The following DHRS4L2 variants were observed in gnomAD, a reference collection of about 807,000 sequenced individuals.
DHRS4L2 encodes dehydrogenase/reductase SDR family member 4-like 2.
DHRS4L2 carries 22 observed loss-of-function variants against 23.9 expected under a neutral mutation model. The observed-to-expected ratio is 0.92, with a 90% confidence interval of 0.66 to 1.31. The LOEUF (loss-of-function observed/expected upper bound fraction) is 1.31, where lower values mean the gene tolerates loss of function less well. Ranked by LOEUF, DHRS4L2 falls within the 40% of genes most tolerant of loss-of-function variation. The probability of loss-of-function intolerance (pLI) is 0.00; values close to 1 mark genes in which losing one functional copy is unlikely to be tolerated. For missense variants in DHRS4L2, 385 were observed against 303.3 expected, an observed-to-expected ratio of 1.27 and a Z score of -2.00; for synonymous variants, 141 against 123.7, an observed-to-expected ratio of 1.14 and a Z score of -0.93.
chr14:23,996,135 A>G (rs1164068101), intron 3 of DHRS4L2, among the ~76,000 whole-genome samples: 2 of 151,832 alleles, frequency 1.3e-5, no homozygotes, highest in South Asian at 2.1e-4. Flanking sequence ...GAAATAATAG[A>G]GTGAGAACTC....
chr14:24,001,501 C>T lies in DHRS4L2; in HGVS notation c.649C>T (p.Leu217=), dbSNP rs752155342. The part of the protein sequence containing the change: ...VNCLHLDLSR[L]ASAGCSGWTR... ...CTGCCTGCACCTGGACTTATCAAGA[C>T]TAGCTTCAGCAGGATGGTGAGGAAG... is the stretch of plus-strand genomic sequence containing the variant. Residue 217 remains leucine, a synonymous_variant, in exon 6 of 8, where the codon CTA becomes TTA. Transcript: ENST00000335125. The T allele has an allele frequency of 1.0e-5, 16 of 1,602,862 alleles. No homozygotes were observed. Among genetic ancestry groups the T allele is most frequent in the Non-Finnish European group, 1.4e-5 (16 of 1,177,560 alleles).
intron 1 of DHRS4L2, among the ~76,000 whole-genome samples, chr14:23,981,355 T>C (rs1254919563): frequency 6.6e-6 from 1 of 151,522 alleles, no homozygotes; most frequent in East Asian, 1.9e-4. Flanking sequence ...GAAGAATCAA[T>C]ATCGTGAAAA....
At chr14:23,971,657 G>A (rs1316656698) in intron 1 of DHRS4L2, among the ~76,000 whole-genome samples, 1 of 152,144 alleles carries the variant, frequency 6.6e-6, no homozygotes, top group South Asian at 2.1e-4. Context: ...AACCAGAAAA[G>A]AGTTGGGACC....
At chr14:23,973,190 C>A (rs1338460037) in intron 1 of DHRS4L2, among the ~76,000 whole-genome samples, 4 of 151,994 alleles carry the variant, frequency 2.6e-5, no homozygotes, top group African/African-American at 9.7e-5. Flanking sequence ...TTTCTCATCC[C>A]ATGAGGCCAT....
chr14:23,978,163 AC>A (rs2034002378), intron 1 of DHRS4L2, among the ~76,000 whole-genome samples: 1 of 151,416 alleles, frequency 6.6e-6, no homozygotes, highest in Non-Finnish European at 1.5e-5. Flanking sequence ...TCAATTTAAA[AC>A]TTTGGCCCAG....
chr14:24,001,082 C>T lies in DHRS4L2; in HGVS notation c.529C>T (p.Pro177Ser). 1 of 1,610,922 alleles carries T rather than the reference C, an allele frequency of 6.2e-7. No individual in the cohort carries two copies. The highest frequency in any genetic ancestry group is 1.7e-5 in the Admixed American group (1 of 59,954). The change falls in exon 5 of 8, where the codon CCT becomes TCT. Residue 177 changes from proline (P) to serine (S), a missense_variant and splice_region_variant. Coordinates refer to ENST00000335125, the MANE Select transcript of DHRS4L2 (RefSeq NM_198083.4). ...VSSIAAFSPS[P>S]GFSPYNVSKT... is the part of the protein sequence containing the mutation. ...TTCCATAGCAGCCTTCAGTCCATCT[C>T]CTGTAAGAACCCTTTTGTCTACCTC...
Position 23,995,076 on chromosome 14 carries a change from T to G in DHRS4L2, c.351T>G (p.Ala117=). 1.9e-6 allele frequency: 3 copies of G among 1,613,052 alleles called. No homozygotes were observed. The highest frequency in any genetic ancestry group is 2.5e-6 in the Non-Finnish European group (3 of 1,179,500). ...HGGIDILVSN[A]AVNPFFGSLM... is the part of the protein sequence containing the mutation. ...GTATCGATATCCTAGTCTCCAATGC[T>G]GCTGTCAACCCTTTCTTTGGAAGCC... The change falls in exon 3 of 8, where the codon GCT becomes GCG. Residue 117 remains alanine, a synonymous_variant. Coordinates refer to ENST00000335125, the MANE Select transcript of DHRS4L2 (RefSeq NM_198083.4).
intron 2 of DHRS4L2, among the ~76,000 whole-genome samples, chr14:23,993,154 G>C (rs930380827): frequency 2.6e-5 from 4 of 151,236 alleles, no homozygotes; most frequent in African/African-American, 4.9e-5. Flanking sequence ...CATGTGTACT[G>C]AGCACAGTGC....
chr14:24,001,957 C>CTTGTTTTTTTT (rs2034497756), intron 6 of DHRS4L2, among the ~76,000 whole-genome samples: 2 of 5,516 alleles, frequency 3.6e-4, no homozygotes, highest in Non-Finnish European at 4.5e-4. Context: ...CTTTCCTCTT[C>CTTGTTTTTTTT]TTTTTTTTTT....
intron 1 of DHRS4L2, among the ~76,000 whole-genome samples, chr14:23,981,626 C>G (rs572676818): frequency 1.3e-5 from 2 of 151,676 alleles, no homozygotes; most frequent in Non-Finnish European, 1.5e-5. Flanking sequence ...ACTCAGCATA[C>G]AGAGGACCCA....
At chr14:23,987,668 AC>A (rs2034179294), upstream of DHRS4L2, among the ~76,000 whole-genome samples, 1 of 151,668 alleles carries the variant, frequency 6.6e-6, no homozygotes, top group Admixed American at 6.6e-5. Flanking sequence ...ACTAACACAC[AC>A]ACACACAAAA....
At position 24,000,971 on chromosome 14, in the gene DHRS4L2, C is replaced by A. The variant is rs28535492; in HGVS notation, c.479+38C>A. On this transcript the variant is annotated intron_variant, in intron 4 of 7. Transcript: ENST00000335125. Reference sequence around the variant, plus strand: ...AGAGAGAGCCTGGGTGAGAGGGGACCCCACACAGGCTGAGGGCAGTGGTCC... The same window carrying A: ...AGAGAGAGCCTGGGTGAGAGGGGACACCACACAGGCTGAGGGCAGTGGTCC... The A allele has an allele frequency of 0.023, 37,152 of 1,608,904 alleles. 3,025 individuals are homozygous for A. In the East Asian group the frequency reaches 0.25, roughly 11 times the overall value.
chr14:23,989,487 C>T (rs531691362), intron 1 of DHRS4L2, among the ~76,000 whole-genome samples: 1 of 151,554 alleles, frequency 6.6e-6, no homozygotes, highest in Admixed American at 6.6e-5. Flanking sequence ...CCCGGAACCC[C>T]TCCCCCTTAC....
intron 3 of DHRS4L2, among the ~76,000 whole-genome samples, chr14:23,996,900 A>G (rs2034394372): frequency 1.3e-5 from 2 of 151,986 alleles, no homozygotes; most frequent in Admixed American, 6.6e-5. Context: ...CCCCCAAAAT[A>G]TTGGGATTAC....
intron 1 of DHRS4L2, among the ~76,000 whole-genome samples, chr14:23,977,884 C>T (rs142132089): frequency 1.5e-4 from 23 of 151,746 alleles, no homozygotes; most frequent in Admixed American, 3.9e-4. Flanking sequence ...ATAAACACTG[C>T]GTATAACTGA....
At position 23,981,211 on chromosome 14, in the gene DHRS4L2, A is replaced by G. The variant is rs192370152; in HGVS notation, c.-175-8971A>G. ...GTGAACTCCCATTCGCGACTGCTAC[A>G]AAGAGAATAAAATACCTAGGAATCC... On this transcript the variant is annotated intron_variant, in intron 1 of 5. Coordinates refer to the DHRS4L2 transcript ENST00000534993. 3.6e-3 allele frequency among the ~76,000 whole-genome samples: 552 copies of G among 151,774 alleles called. 7 individuals are homozygous for G. Among genetic ancestry groups the G allele is most frequent in the Non-Finnish European group, 6.8e-3 (459 of 67,928 alleles).
chr14:23,991,292 A>G (rs892513220), intron 2 of DHRS4L2, among the ~76,000 whole-genome samples: 14 of 151,758 alleles, frequency 9.2e-5, no homozygotes, highest in Non-Finnish European at 2.1e-4. Flanking sequence ...AGAGCCAAAT[A>G]TGAGTCCAAG....
intron 2 of DHRS4L2, among the ~76,000 whole-genome samples, chr14:23,994,174 A>C (rs1390480281): frequency 1.3e-5 from 2 of 151,774 alleles, no homozygotes; most frequent in Non-Finnish European, 2.9e-5. Flanking sequence ...AAGTGTGGAC[A>C]GATTGACTTT....
intron 1 of DHRS4L2, among the ~76,000 whole-genome samples, chr14:23,972,159 C>G (rs576416005): frequency 6.6e-6 from 1 of 152,064 alleles, no homozygotes; most frequent in Non-Finnish European, 1.5e-5. Context: ...GTCTCACTGA[C>G]TTCAAGAATG....
Sources: gnomAD v4.1 joint callset for allele counts (sites outside exome capture counted in the v4.1 genomes callset) on GRCh38, gnomAD v4.1.1 for gene constraint, MANE v1.5 for transcripts, NCBI Gene and HGNC (gene_info 2026-07-23, HGNC 2026-07-21) for gene names.